Variants in ISM1 observed in about 807,000 individuals in gnomAD.
The protein encoded by ISM1 is isthmin 1.
ISM1 carries 25 observed loss-of-function variants against 46.3 expected under a neutral mutation model. That is an observed-to-expected ratio of 0.54 (90% CI 0.39 to 0.75). The LOEUF (loss-of-function observed/expected upper bound fraction) is 0.75, where lower values mean the gene tolerates loss of function less well. Ranked by LOEUF, ISM1 falls within the 30% of genes least tolerant of loss-of-function variation. The pLI is 0.00. For synonymous variants in ISM1, 255 were observed against 256.7 expected, an observed-to-expected ratio of 0.99 and a Z score of 0.06; for missense variants, 536 against 625.4, an observed-to-expected ratio of 0.86 and a Z score of 1.52.
At position 13,298,836 on chromosome 20, in the gene ISM1, C is replaced by T. The variant is rs959218819; in HGVS notation, c.878-106C>T. 1.5e-5 allele frequency: 16 copies of T among 1,096,632 alleles called. 1 individual carries two copies. In the South Asian group the frequency reaches 1.8e-4, roughly 13 times the overall value. 67.9% of individuals were successfully genotyped at this position (1,096,632 alleles called of 1,614,324 possible). On this transcript the variant is annotated intron_variant, in intron 5 of 5. Coordinates refer to ENST00000262487, the MANE Select transcript of ISM1 (RefSeq NM_080826.2). ...TTCAGGGAGTTGTTGACTTTAGTGT[C>T]CTCCTGCGGGCCCTCAGGAGCAGCC... is the stretch of plus-strand genomic sequence containing the variant.
chr20:13,234,938 C>T (rs2039631194), intron 1 of ISM1, among the ~76,000 whole-genome samples: 1 of 152,132 alleles, frequency 6.6e-6, no homozygotes, highest in African/African-American at 2.4e-5. Context: ...GACAAGGTCC[C>T]CAGATTAATC....
In ISM1 at chr20:13,279,827, AC is replaced by A. The variant is rs762230866; in HGVS notation, c.579del (p.Arg194GlyfsTer82). 3 of 1,613,408 alleles carry A rather than the reference AC, an allele frequency of 1.9e-6. No homozygotes were observed. The highest frequency in any genetic ancestry group is 1.7e-6 in the Non-Finnish European group (2 of 1,179,656). On this transcript the variant is annotated frameshift_variant, in exon 3 of 6. Coordinates refer to ENST00000262487, the MANE Select transcript of ISM1 (RefSeq NM_080826.2). LOFTEE classifies it high-confidence loss of function. ...DSTSDDSNFL[N>X]PPRGWDHTAP... The stretch of plus-strand genomic sequence containing the variant: ...ACCTCAGACGACAGCAACTTCCTCA[AC>A]CCCCCCAGGGGGTGGGACCATACAG...
At chr20:13,229,207 G>A (rs1343507298) in intron 1 of ISM1, among the ~76,000 whole-genome samples, 1 of 150,938 alleles carries the variant, frequency 6.6e-6, no homozygotes, top group Non-Finnish European at 1.5e-5. Context: ...CAATAAAATG[G>A]ATGAATCTTA....
rs1455720190 is a variant in ISM1, at chr20:13,221,863, C to A, written c.87C>A (p.Ala29=). The part of the protein sequence containing the change: ...LHITVLRGSG[A]ADGPDAAAGN... ...TCACCGTGCTGCGCGGCTCGGGAGC[C>A]GCCGACGGGCCCGACGCGGCCGCGG... The change falls in exon 1 of 6, where the codon GCC becomes GCA. Residue 29 remains alanine, a synonymous_variant. Transcript: ENST00000262487. 2.2e-5 allele frequency: 31 copies of A among 1,429,522 alleles called. No individual in the cohort carries two copies. Among genetic ancestry groups the A allele is most frequent in the Non-Finnish European group, 2.6e-5 (28 of 1,096,502 alleles). 88.6% of individuals were successfully genotyped at this position (1,429,522 alleles called of 1,614,324 possible). A position where few individuals can be genotyped will look rare whatever the true frequency, so the allele number is the denominator to read the frequency against.
At chr20:13,319,607 T>G in the ISM1 span, among the ~76,000 whole-genome samples, 2 of 152,232 alleles carry the variant, frequency 1.3e-5, no homozygotes, top group Non-Finnish European at 1.5e-5. Context: ...CTATCTCCTT[T>G]ATTTGTCAAA....
chr20:13,236,567 A>G (rs756770696), intron 1 of ISM1, among the ~76,000 whole-genome samples: 2 of 152,188 alleles, frequency 1.3e-5, no homozygotes, highest in Non-Finnish European at 1.5e-5. Flanking sequence ...GAATTAACCC[A>G]AAAGTCCACA....
rs1327422297 is a variant in ISM1 at position 13,299,232 on chromosome 20, A to T, written c.1168A>T (p.Asn390Tyr). 3.7e-6 allele frequency: 6 copies of T among 1,602,168 alleles called. No homozygotes were observed. In the South Asian group the frequency reaches 5.6e-5, roughly 15 times the overall value. The change falls in exon 6 of 6, where the codon AAC becomes TAC. Residue 390 changes from asparagine to tyrosine, a missense_variant. Physicochemically the swap from Asn to Tyr is moderately radical, Grantham distance 143 (BLOSUM62 -2). Transcript: ENST00000262487. The surrounding 1 kb of genome is among the most constrained non-coding windows in gnomAD (Gnocchi z 5.8). ...LAAQHCCYGD[N>Y]MQLITRGKGA... ...GGCACAGCACTGCTGCTACGGCGAC[A>T]ACATGCAGCTCATCACCAGGGGCAA...
At chr20:13,264,539 C>G (rs955616792) in intron 1 of ISM1, among the ~76,000 whole-genome samples, 8 of 152,092 alleles carry the variant, frequency 5.3e-5, no homozygotes, top group African/African-American at 1.7e-4. Context: ...CTTGGTTGTC[C>G]AAAAAACCTC....
chr20:13,249,683 G>A (rs1020407920), intron 1 of ISM1, among the ~76,000 whole-genome samples: 7 of 152,242 alleles, frequency 4.6e-5, no homozygotes, highest in Non-Finnish European at 8.8e-5. Flanking sequence ...CTGGTGGTTC[G>A]AGTGGGGACC....
At position 13,279,811 on chromosome 20, in the gene ISM1, G is replaced by T; in HGVS notation, c.556G>T (p.Asp186Tyr). ...QDYKYDSTSD[D>Y]SNFLNPPRGW... ...CTACAAGTACGACAGTACCTCAGACGACAGCAACTTCCTCAACCCCCCCAG... is the reference window on the plus strand; with the variant it reads ...CTACAAGTACGACAGTACCTCAGACTACAGCAACTTCCTCAACCCCCCCAG... The change falls in exon 3 of 6, where the codon GAC becomes TAC. Residue 186 changes from aspartate (D) to tyrosine (Y), a missense_variant. Asp to Tyr is a radical substitution (Grantham distance 160, BLOSUM62 -3). Coordinates refer to ENST00000262487, the MANE Select transcript of ISM1 (RefSeq NM_080826.2). The T allele has an allele frequency of 6.2e-7, 1 of 1,614,026 alleles. No homozygotes were observed. The highest frequency in any genetic ancestry group is 8.5e-7 in the Non-Finnish European group (1 of 1,179,888).
chr20:13,223,285 T>G (rs1163724283), intron 1 of ISM1, among the ~76,000 whole-genome samples: 1 of 152,126 alleles, frequency 6.6e-6, no homozygotes, highest in Non-Finnish European at 1.5e-5. Context: ...TTTTACATCT[T>G]TATACAATTT....
chr20:13,303,062 A>G (rs1342601830), downstream of ISM1, among the ~76,000 whole-genome samples: 1 of 152,218 alleles, frequency 6.6e-6, no homozygotes, highest in Non-Finnish European at 1.5e-5. Flanking sequence ...TTACCACAGG[A>G]GACCGGCATT....
At chr20:13,288,757 A>T in intron 4 of ISM1, 74 bp downstream of exon 4, 1 of 1,416,026 alleles carries the variant, frequency 7.1e-7, no homozygotes, top group Non-Finnish European at 9.7e-7. Flanking sequence ...ACTTAGTGAC[A>T]TTGTCTTTTT....
intron 1 of ISM1, among the ~76,000 whole-genome samples, chr20:13,256,295 C>T (rs965439156): frequency 6.7e-6 from 1 of 149,310 alleles, no homozygotes; most frequent in African/African-American, 2.5e-5. Flanking sequence ...ATTCAGGAGG[C>T]TGAGACAGGA....
chr20:13,316,258 C>A, the ISM1 span, among the ~76,000 whole-genome samples: 2 of 151,856 alleles, frequency 1.3e-5, no homozygotes, highest in Non-Finnish European at 2.9e-5. Flanking sequence ...AACAGACAAT[C>A]TGAAAAGGTC....
At chr20:13,259,991 T>C (rs1236120678) in intron 1 of ISM1, among the ~76,000 whole-genome samples, 2 of 152,208 alleles carry the variant, frequency 1.3e-5, no homozygotes, top group Admixed American at 1.3e-4. Flanking sequence ...AATGAATCCA[T>C]GAATAGAGCT....
intron 2 of ISM1, among the ~76,000 whole-genome samples, chr20:13,279,074 C>T (rs1180424813): frequency 6.6e-6 from 1 of 152,160 alleles, no homozygotes; most frequent in Non-Finnish European, 1.5e-5. Context: ...GAGAAATGGG[C>T]TCCACCTCTC....
At chr20:13,324,850 T>A in the ISM1 span, among the ~76,000 whole-genome samples, 2 of 152,208 alleles carry the variant, frequency 1.3e-5, no homozygotes, top group Non-Finnish European at 2.9e-5. Flanking sequence ...TTAAGTTTCT[T>A]ATTTTCTGGA....
intron 5 of ISM1, among the ~76,000 whole-genome samples, chr20:13,297,929 C>T (rs1053594831): frequency 6.6e-6 from 1 of 152,080 alleles, no homozygotes; most frequent in Admixed American, 6.5e-5. Flanking sequence ...CTCTTTGAGG[C>T]GCCTTGCCAT....
Sources: allele counts gnomAD v4.1 joint callset (sites outside exome capture counted in the v4.1 genomes callset), GRCh38; gene constraint gnomAD v4.1.1; non-coding constraint Gnocchi (gnomAD v3.1); transcripts MANE v1.5; gene names NCBI Gene and HGNC (gene_info 2026-07-23, HGNC 2026-07-21).